The following KIAA1217 variants were observed in gnomAD, a reference collection of about 807,000 sequenced individuals.
KIAA1217 encodes the protein KIAA1217.
In KIAA1217, 88 loss-of-function variants were observed where a neutral mutation model predicts 163.9. That is an observed-to-expected ratio of 0.54 (90% CI 0.45 to 0.64). The LOEUF is 0.64. Ranked by LOEUF, KIAA1217 falls within the 30% of genes least tolerant of loss-of-function variation. The pLI is 0.00. For synonymous variants in KIAA1217, 903 were observed against 923.1 expected (o/e 0.98, Z 0.39); for missense variants, 2,372 against 2,475.0 (o/e 0.96, Z 0.88).
chr10:24,519,618 A>T (rs2070765017), intron 10 of KIAA1217, among the ~76,000 whole-genome samples: 1 of 152,142 alleles, frequency 6.6e-6, no homozygotes, highest in Non-Finnish European at 1.5e-5. Flanking sequence ...GCTGCTAAAC[A>T]TCGTACCGTG....
At chr10:24,111,593 G>A (rs1357360805) in intron 2 of KIAA1217, among the ~76,000 whole-genome samples, 3 of 152,176 alleles carry the variant, frequency 2.0e-5, no homozygotes, top group Non-Finnish European at 2.9e-5. Flanking sequence ...CTGTGGATAA[G>A]TGAAGCCACA....
At chr10:24,048,821 A>G (rs1192036128) in intron 2 of KIAA1217, among the ~76,000 whole-genome samples, 4 of 151,900 alleles carry the variant, frequency 2.6e-5, no homozygotes, top group Non-Finnish European at 5.9e-5. Flanking sequence ...TCACGAGGTC[A>G]GGGGTTCGAG....
chr10:24,343,826 T>C (rs1238240487), intron 2 of KIAA1217, among the ~76,000 whole-genome samples: 2 of 152,350 alleles, frequency 1.3e-5, no homozygotes, highest in Non-Finnish European at 2.9e-5. Context: ...ACAGTACCAC[T>C]ACCACGAACT....
intron 1 of KIAA1217, among the ~76,000 whole-genome samples, chr10:23,920,848 T>C (rs986756166): frequency 1.3e-5 from 2 of 152,114 alleles, no homozygotes; most frequent in Non-Finnish European, 2.9e-5. Context: ...AGGGACACAG[T>C]GAGAGGTAAT....
intron 1 of KIAA1217, among the ~76,000 whole-genome samples, chr10:24,215,216 T>A (rs144109658): frequency 2.0e-5 from 3 of 152,308 alleles, no homozygotes; most frequent in Admixed American, 6.5e-5. Context: ...TTTGCTCGGC[T>A]TTAAGCTCCT....
chr10:24,194,773 T>TC (rs1589853786), intron 2 of KIAA1217, among the ~76,000 whole-genome samples: 1 of 146,964 alleles, frequency 6.8e-6, no homozygotes, highest in African/African-American at 2.5e-5. Flanking sequence ...TTTTTTTTTT[T>TC]TTTTTTTTTT....
chr10:24,520,303 G>C, intron 11 of KIAA1217, 50 bp downstream of exon 11: 1 of 1,600,622 alleles, frequency 6.2e-7, no homozygotes, highest in Non-Finnish European at 8.5e-7. Context: ...CTTTCCTGCG[G>C]TGTTTAAAAA....
At chr10:23,907,454 G>A (rs1474091678) in intron 1 of KIAA1217, among the ~76,000 whole-genome samples, 1 of 152,036 alleles carries the variant, frequency 6.6e-6, no homozygotes, top group African/African-American at 2.4e-5. Context: ...CCATCTGCAT[G>A]CTGGAGAACC....
intron 2 of KIAA1217, among the ~76,000 whole-genome samples, chr10:24,330,581 C>G (rs2045548810): frequency 6.6e-6 from 1 of 152,056 alleles, no homozygotes; most frequent in African/African-American, 2.4e-5. Context: ...CCTCTTCTGC[C>G]TTATAGAATC....
chr10:24,200,504 T>G (rs1230139242), intron 2 of KIAA1217, among the ~76,000 whole-genome samples: 1 of 152,126 alleles, frequency 6.6e-6, no homozygotes, highest in Non-Finnish European at 1.5e-5. Flanking sequence ...GCTGTCTTTG[T>G]GCACCTCAGC....
chr10:23,971,168 C>A (rs1214388941), intron 1 of KIAA1217, among the ~76,000 whole-genome samples: 1 of 152,108 alleles, frequency 6.6e-6, no homozygotes, highest in Non-Finnish European at 1.5e-5. Context: ...TTGGGAGGGG[C>A]CGCGTGCACA....
intron 2 of KIAA1217, among the ~76,000 whole-genome samples, chr10:24,043,687 A>T (rs984919340): frequency 1.3e-5 from 2 of 152,158 alleles, no homozygotes; most frequent in African/African-American, 4.8e-5. Context: ...ATGTATAAAG[A>T]CATGAAAAAT....
intron 1 of KIAA1217, among the ~76,000 whole-genome samples, chr10:23,874,196 C>G (rs1233629134): frequency 2.6e-5 from 4 of 152,036 alleles, no homozygotes; most frequent in Non-Finnish European, 4.4e-5. Context: ...TCCTACTAAT[C>G]GGCTGTGAGT....
rs77952356 is a variant in KIAA1217 at position 24,215,318 on chromosome 10, C to T, written c.71-4308C>T. Among the ~76,000 whole-genome samples, 995 of 152,304 alleles carry T rather than the reference C, an allele frequency of 6.5e-3. 48 individuals carry two copies. In the East Asian group the frequency reaches 0.13, roughly 21 times the overall value. ...GGAGGGGCAGGAAAGGGAAACAGGA[C>T]TGCCTTTCAGCAAGCCCAAGCCTTG... On this transcript the variant is annotated intron_variant, in intron 1 of 20. Coordinates refer to ENST00000376454, the MANE Select transcript of KIAA1217 (RefSeq NM_019590.5).
At chr10:24,489,435 A>T (rs973230603) in intron 6 of KIAA1217, among the ~76,000 whole-genome samples, 1 of 152,112 alleles carries the variant, frequency 6.6e-6, no homozygotes, top group Non-Finnish European at 1.5e-5. Flanking sequence ...CGCCAGCTTC[A>T]TATGCTACTG....
chr10:24,166,377 A>T lies in KIAA1217; in HGVS notation c.-170-53249A>T, dbSNP rs972471986. 7.3e-5 allele frequency among the ~76,000 whole-genome samples: 11 copies of T among 151,548 alleles called. 1 individual carries two copies. The highest frequency in any genetic ancestry group is 3.9e-4 in the Admixed American group (6 of 15,216). On this transcript the variant is annotated intron_variant, in intron 2 of 18. Coordinates refer to the KIAA1217 transcript ENST00000376462. ...AACGGGTACAAATATACACTTAGAT[A>T]AAAAAAATAAGATCTGGTGTTCAAT... is the stretch of plus-strand genomic sequence containing the variant.
At chr10:24,434,094 T>C (rs2131844053) in intron 4 of KIAA1217, among the ~76,000 whole-genome samples, 1 of 144,560 alleles carries the variant, frequency 6.9e-6, no homozygotes, top group African/African-American at 2.6e-5. Flanking sequence ...TGGAGTACAA[T>C]GGTGCGATCT....
chr10:24,276,894 C>T (rs1009015841), intron 2 of KIAA1217, among the ~76,000 whole-genome samples: 4 of 151,662 alleles, frequency 2.6e-5, no homozygotes, highest in Admixed American at 2.0e-4. Flanking sequence ...AGGCATGAGC[C>T]ACCACACCCA....
intron 1 of KIAA1217, among the ~76,000 whole-genome samples, chr10:23,751,471 G>T (rs899202033): frequency 6.6e-6 from 1 of 152,126 alleles, no homozygotes; most frequent in Non-Finnish European, 1.5e-5. Flanking sequence ...TGCAGAAAAT[G>T]AGTCTTCTAG....
Sources: gnomAD v4.1 joint callset for allele counts (sites outside exome capture counted in the v4.1 genomes callset) on GRCh38, gnomAD v4.1.1 for gene constraint, MANE v1.5 for transcripts, NCBI Gene and HGNC (gene_info 2026-07-23, HGNC 2026-07-21) for gene names.